The following ZNF75A variants were observed in gnomAD, a reference collection of about 807,000 sequenced individuals.
The protein encoded by ZNF75A is zinc finger protein 75A.
A neutral mutation model predicts 46.3 loss-of-function variants in ZNF75A; 36 were observed. That is an observed-to-expected ratio of 0.78 (90% confidence interval 0.60 to 1.03). The LOEUF (loss-of-function observed/expected upper bound fraction) is 1.03. ZNF75A is among the 50% of genes least tolerant of loss of function. The pLI is 0.00. For missense variants in ZNF75A, 595 were observed against 551.3 expected, an observed-to-expected ratio of 1.08 and a Z score of -0.79; for synonymous variants, 234 against 189.9, an observed-to-expected ratio of 1.23 and a Z score of -1.91.
Position 3,318,170 on chromosome 16 carries a change from G to T in ZNF75A, c.*301G>T, listed in dbSNP as rs1324097686. On this transcript the variant is annotated 3_prime_UTR_variant, in exon 7 of 7. Coordinates refer to ENST00000669516, the MANE Select transcript of ZNF75A (RefSeq NM_001302109.2). ...AAAGCAGTAACATGCATGTTTAATT[G>T]CATACCATTCTCTTCACAGTAGCAG... The T allele has an allele frequency of 9.0e-7, 1 of 1,108,640 alleles. No homozygotes were observed. The highest frequency in any genetic ancestry group is 1.6e-5 in the African/African-American group (1 of 61,054). The allele number at this position is 1,108,640 out of a possible 1,614,324, so 68.7% of individuals were successfully genotyped here.
intron 5 of ZNF75A, among the ~76,000 whole-genome samples, chr16:3,315,492 G>C (rs562918402): frequency 6.6e-6 from 1 of 152,236 alleles, no homozygotes; most frequent in East Asian, 1.9e-4. Flanking sequence ...ACCGTGCCCA[G>C]CTAGTACTGT....
At chr16:3,309,619 G>C (rs1298493036) in intron 2 of ZNF75A, 1 of 152,078 alleles carries the variant, frequency 6.6e-6, no homozygotes, top group Admixed American at 6.6e-5. Flanking sequence ...AGCCAGGCAT[G>C]GTGGCACACA....
chr16:3,318,180 C>T lies in ZNF75A; in HGVS notation c.*311C>T. The T allele has an allele frequency of 9.3e-7, 1 of 1,080,824 alleles. No individual in the cohort carries two copies. The highest frequency in any genetic ancestry group is 1.1e-6 in the Non-Finnish European group (1 of 891,508). The allele number at this position is 1,080,824 out of a possible 1,614,324, so 67.0% of individuals were successfully genotyped here. A position where few individuals can be genotyped will look rare whatever the true frequency, so the allele number is the denominator to read the frequency against. On this transcript the variant is annotated 3_prime_UTR_variant, in exon 7 of 7. Coordinates refer to ENST00000669516, the MANE Select transcript of ZNF75A (RefSeq NM_001302109.2). ...CATGCATGTTTAATTGCATACCATTCTCTTCACAGTAGCAGGCTTACCAAT... is the reference window on the plus strand; with the variant it reads ...CATGCATGTTTAATTGCATACCATTTTCTTCACAGTAGCAGGCTTACCAAT...
downstream of ZNF75A, among the ~76,000 whole-genome samples, chr16:3,319,527 T>C (rs1961444470): frequency 6.6e-6 from 1 of 152,220 alleles, no homozygotes. Flanking sequence ...TCCCAGATCA[T>C]GTGTGGCTTT....
chr16:3,317,569 G>A lies in ZNF75A; in HGVS notation c.1314G>A (p.Arg438=), dbSNP rs78977271. The change falls in exon 7 of 7, where the codon AGG becomes AGA. Residue 438 remains arginine, a synonymous_variant. Coordinates refer to ENST00000669516, the MANE Select transcript of ZNF75A (RefSeq NM_001302109.2). ...ATAAATGTCAACAGTGTGATAAGAGGTTTAGATGGAGTTCAGATCTTAATA... is the reference window on the plus strand; with the variant it reads ...ATAAATGTCAACAGTGTGATAAGAGATTTAGATGGAGTTCAGATCTTAATA... The part of the protein sequence containing the change: ...KPYKCQQCDK[R]FRWSSDLNKH... 8.3e-4 allele frequency: 1,347 copies of A among 1,614,066 alleles called. 17 individuals carry two copies. In the African/African-American group the frequency reaches 0.016, roughly 19 times the overall value.
chr16:3,323,024 T>C (rs553639326), downstream of ZNF75A: 32 of 679,558 alleles, frequency 4.7e-5, no homozygotes, highest in South Asian at 4.0e-4. Flanking sequence ...GTACTTGCCA[T>C]GAACCTAAGC....
Position 3,314,529 on chromosome 16 carries a change from A to G in ZNF75A, c.823+1354A>G, listed in dbSNP as rs568288114. 4.6e-5 allele frequency among the ~76,000 whole-genome samples: 7 copies of G among 152,316 alleles called. No individual in the cohort carries two copies. The East Asian group carries it at 1.4e-3, about 29-fold the overall frequency. Reference sequence around the variant, plus strand: ...AGCCCCAGAGGTTCTACCCTGGACAATTAGGCTTGGCCCAGAGGGAACTGG... The same window carrying G: ...AGCCCCAGAGGTTCTACCCTGGACAGTTAGGCTTGGCCCAGAGGGAACTGG... On this transcript the variant is annotated intron_variant, in intron 5 of 6. Coordinates refer to ENST00000669516, the MANE Select transcript of ZNF75A (RefSeq NM_001302109.2).
rs557025543 is a variant in ZNF75A at position 3,308,357 on chromosome 16, G to A, written c.-72G>A. On this transcript the variant is annotated 5_prime_UTR_variant, in exon 2 of 7. Transcript: ENST00000669516. ...CTTTTATTGCTTTTGTACAAGACCA[G>A]ACAGGATCTCATTTGTTAAACGTGG... The A allele has an allele frequency of 4.5e-5, 43 of 948,908 alleles. No individual in the cohort carries two copies. In the South Asian group the frequency reaches 1.8e-3, roughly 40 times the overall value. 58.8% of individuals were successfully genotyped at this position (948,908 alleles called of 1,614,324 possible).
At chr16:3,312,154 A>C in intron 3 of ZNF75A, 1 of 153,362 alleles carries the variant, frequency 6.5e-6, no homozygotes, top group East Asian at 1.9e-4. Flanking sequence ...AAATATCTAA[A>C]CCACAGAACT....
In ZNF75A at chr16:3,312,914, C is replaced by T. The variant is rs983993253; in HGVS notation, c.697-135C>T. The T allele has an allele frequency of 2.3e-6, 3 of 1,313,282 alleles. No individual in the cohort carries two copies. The African/African-American group carries it at 4.5e-5, about 20-fold the overall frequency. 81.4% of individuals were successfully genotyped at this position (1,313,282 alleles called of 1,614,324 possible). On this transcript the variant is annotated intron_variant, in intron 4 of 6. Coordinates refer to ENST00000669516, the MANE Select transcript of ZNF75A (RefSeq NM_001302109.2). ...CAGGCTGTGGGCTGACGCCTTTTCT[C>T]CTTTTTTTCTGCCTTCTCACTTAAA...
At chr16:3,313,561 A>T (rs771632367) in intron 5 of ZNF75A, among the ~76,000 whole-genome samples, 2 of 152,214 alleles carry the variant, frequency 1.3e-5, no homozygotes, top group African/African-American at 4.8e-5. Flanking sequence ...TTACTTTGAC[A>T]TATCCTGACT....
At chr16:3,312,987 AG>A in intron 4 of ZNF75A, 61 bp from the exon 5 acceptor site, 1 of 1,532,772 alleles carries the variant, frequency 6.5e-7, no homozygotes. Flanking sequence ...ATTCATAGCC[AG>A]GTGGCTAGGC....
At chr16:3,306,203 C>T (rs963556513) in intron 1 of ZNF75A, 1 of 152,238 alleles carries the variant, frequency 6.6e-6, no homozygotes, top group Middle Eastern at 3.4e-3. Flanking sequence ...CCTCAGCCCC[C>T]CTTAGAAGTC....
At chr16:3,323,127 A>G (rs548605202), downstream of ZNF75A, 14 of 549,682 alleles carry the variant, frequency 2.5e-5, no homozygotes, top group East Asian at 5.4e-4. Flanking sequence ...ATCTCAAAAA[A>G]ACAAAAACAC....
chr16:3,318,011 T>C lies in ZNF75A; in HGVS notation c.*142T>C. On this transcript the variant is annotated 3_prime_UTR_variant, in exon 7 of 7. Transcript: ENST00000669516. Reference sequence around the variant, plus strand: ...TAAACATACATTTCACAGAAAATAATCAAGACTTGCTCTGCAGCCACTCAG... The same window carrying C: ...TAAACATACATTTCACAGAAAATAACCAAGACTTGCTCTGCAGCCACTCAG... 1 of 1,423,010 alleles carries C rather than the reference T, an allele frequency of 7.0e-7. No homozygotes were observed. Among genetic ancestry groups the C allele is most frequent in the South Asian group, 1.6e-5 (1 of 62,626 alleles). 88.1% of individuals were successfully genotyped at this position (1,423,010 alleles called of 1,614,324 possible).
Position 3,311,819 on chromosome 16 carries a change from G to A in ZNF75A, c.475G>A (p.Gly159Arg), listed in dbSNP as rs567230881. The A allele has an allele frequency of 9.5e-6, 10 of 1,048,724 alleles. No individual in the cohort carries two copies. Among genetic ancestry groups the A allele is most frequent in the African/African-American group, 1.7e-5 (1 of 59,162 alleles). 65.0% of individuals were successfully genotyped at this position (1,048,724 alleles called of 1,614,324 possible). Reference sequence around the variant, plus strand: ...AGAAACAGCAGAGGCCTCAAGTTTCGGGCTGAAGCCAACAGAGTCCCAACC... The same window carrying A: ...AGAAACAGCAGAGGCCTCAAGTTTCAGGCTGAAGCCAACAGAGTCCCAACC... ...LGETAEASSF[G>R]LKPTESQPVG... Residue 159 changes from glycine (G) to arginine (R), a missense_variant, in exon 3 of 7, where the codon GGG (glycine) becomes AGG (arginine). Coordinates refer to ENST00000669516, the MANE Select transcript of ZNF75A (RefSeq NM_001302109.2).
At chr16:3,310,695 AG>A in intron 2 of ZNF75A, 1 of 985,658 alleles carries the variant, frequency 1.0e-6, no homozygotes, top group Non-Finnish European at 1.2e-6. Context: ...CATAGAAAAA[AG>A]GGAAACAAAG....
chr16:3,310,589 G>A (rs1184216246), intron 2 of ZNF75A: 10 of 837,906 alleles, frequency 1.2e-5, no homozygotes, highest in Non-Finnish European at 1.4e-5. Context: ...TTGTACCACT[G>A]TACCCCAGCC....
chr16:3,319,754 G>A (rs144259819), downstream of ZNF75A, among the ~76,000 whole-genome samples: 1 of 151,832 alleles, frequency 6.6e-6, no homozygotes, highest in African/African-American at 2.4e-5. Flanking sequence ...TGAGTTGTGA[G>A]CATTGTGAGC....
Sources: gnomAD v4.1 joint callset for allele counts (sites outside exome capture counted in the v4.1 genomes callset) on GRCh38, gnomAD v4.1.1 for gene constraint, MANE v1.5 for transcripts, NCBI Gene and HGNC (gene_info 2026-07-23, HGNC 2026-07-21) for gene names.